Variants in ZNF469 observed in about 807,000 individuals in gnomAD.
ZNF469 encodes zinc finger protein 469.
Under a neutral mutation model 1.0 loss-of-function variants are expected in ZNF469, and 1 was observed. The ratio of observed to expected loss-of-function variants is 1.00; its 90% CI spans 0.35 to 4.73. The LOEUF (loss-of-function observed/expected upper bound fraction) is 4.73. Ranked by LOEUF, ZNF469 falls within the 30% of genes most tolerant of loss-of-function variation. The probability of loss-of-function intolerance (pLI) is 0.16; values close to 1 mark genes in which losing one functional copy is unlikely to be tolerated. For missense variants in ZNF469, 6,100 were observed against 5,356.3 expected (o/e 1.14, Z -4.33); for synonymous variants, 2,703 against 2,363.4 (o/e 1.14, Z -4.17).
At chr16:88,101,180 G>A in the ZNF469 span, among the ~76,000 whole-genome samples, 10 of 152,266 alleles carry the variant, frequency 6.6e-5, no homozygotes, top group African/African-American at 2.4e-4. Context: ...ATTGACGATG[G>A]TGACGATCGC....
chr16:88,360,605 C>T, the ZNF469 span, among the ~76,000 whole-genome samples: 127 of 118,334 alleles, frequency 1.1e-3, 3 homozygotes, highest in South Asian at 0.016. Flanking sequence ...CCCCAGACAG[C>T]GCCCGCATGC....
intron 1 of ZNF469, among the ~76,000 whole-genome samples, chr16:88,400,059 A>C (rs1445808110): frequency 1.3e-5 from 2 of 152,214 alleles, no homozygotes; most frequent in East Asian, 3.8e-4. Flanking sequence ...GAAGTGTGGC[A>C]GGGACGTGGG....
At chr16:88,358,511 C>T in the ZNF469 span, among the ~76,000 whole-genome samples, 1 of 152,034 alleles carries the variant, frequency 6.6e-6, no homozygotes, top group Non-Finnish European at 1.5e-5. Context: ...GGAATCCTCC[C>T]TAGAGGCAGC....
chr16:88,264,969 C>T, the ZNF469 span, among the ~76,000 whole-genome samples: 1 of 152,120 alleles, frequency 6.6e-6, no homozygotes, highest in South Asian at 2.1e-4. Flanking sequence ...GACTGCGGTT[C>T]TGTGCTCAGC....
the ZNF469 span, among the ~76,000 whole-genome samples, chr16:88,205,591 T>C: frequency 6.6e-6 from 1 of 152,190 alleles, no homozygotes; most frequent in South Asian, 2.1e-4. The surrounding 1 kb of genome is among the most constrained non-coding windows in gnomAD (Gnocchi z 4.2). Context: ...TAGAATTCTC[T>C]ATAAAAACAC....
chr16:88,126,114 G>C, the ZNF469 span, among the ~76,000 whole-genome samples: 118 of 150,700 alleles, frequency 7.8e-4, 1 homozygote, highest in South Asian at 0.025. Context: ...GCTTGAACCT[G>C]GGAGGCAGAG....
chr16:88,306,181 C>G, the ZNF469 span, among the ~76,000 whole-genome samples: 4 of 152,250 alleles, frequency 2.6e-5, no homozygotes, highest in African/African-American at 7.2e-5. Flanking sequence ...CCATGGTTTA[C>G]TAATGATGTC....
chr16:88,292,376 C>T, the ZNF469 span, among the ~76,000 whole-genome samples: 1 of 152,126 alleles, frequency 6.6e-6, no homozygotes, highest in African/African-American at 2.4e-5. Context: ...AGTGTGAGTC[C>T]CTGTTGTAAA....
chr16:88,353,404 G>A, the ZNF469 span, among the ~76,000 whole-genome samples: 2 of 152,226 alleles, frequency 1.3e-5, no homozygotes, highest in East Asian at 1.9e-4. Context: ...GTGACCCGGC[G>A]CCCACCTCCG....
chr16:88,267,085 G>T, the ZNF469 span, among the ~76,000 whole-genome samples: 1 of 152,210 alleles, frequency 6.6e-6, no homozygotes, highest in Non-Finnish European at 1.5e-5. Flanking sequence ...CGACTCTGGA[G>T]CTCACTCTAT....
the ZNF469 span, among the ~76,000 whole-genome samples, chr16:88,307,035 G>T: frequency 1.4e-3 from 214 of 152,182 alleles, 1 homozygote; most frequent in Non-Finnish European, 2.6e-3. Flanking sequence ...CCTGGCAACC[G>T]CCAATCCACT....
the ZNF469 span, among the ~76,000 whole-genome samples, chr16:88,243,001 C>A: frequency 7.2e-5 from 11 of 152,198 alleles, no homozygotes; most frequent in Admixed American, 6.5e-4. Context: ...GACACTGATG[C>A]GGTGGGGGAT....
At chr16:88,139,336 G>T in the ZNF469 span, among the ~76,000 whole-genome samples, 9 of 152,066 alleles carry the variant, frequency 5.9e-5, no homozygotes. Context: ...TTTGCCCCCT[G>T]GCCTGGGGAT....
the ZNF469 span, among the ~76,000 whole-genome samples, chr16:88,377,698 T>C: frequency 6.6e-6 from 1 of 150,376 alleles, no homozygotes; most frequent in African/African-American, 2.5e-5. Flanking sequence ...CAGCCCTCCC[T>C]CCTCTCTCCC....
the ZNF469 span, among the ~76,000 whole-genome samples, chr16:88,165,609 A>G: frequency 3.3e-5 from 5 of 151,998 alleles, no homozygotes; most frequent in East Asian, 3.9e-4. Flanking sequence ...CTTTTTTCCA[A>G]TTTTTAAATC....
At chr16:88,344,254 C>T in the ZNF469 span, among the ~76,000 whole-genome samples, 6 of 144,514 alleles carry the variant, frequency 4.2e-5, no homozygotes, top group African/African-American at 1.6e-4. Flanking sequence ...GGAGAAGAGG[C>T]GATGGGGGGG....
chr16:88,156,076 C>G, the ZNF469 span, among the ~76,000 whole-genome samples: 1 of 152,248 alleles, frequency 6.6e-6, no homozygotes, highest in Non-Finnish European at 1.5e-5. Flanking sequence ...AGTTCTTTTG[C>G]CCATATATTA....
chr16:88,154,516 C>G, the ZNF469 span, among the ~76,000 whole-genome samples: 2 of 152,200 alleles, frequency 1.3e-5, no homozygotes, highest in African/African-American at 4.8e-5. Context: ...ATGGTACCAT[C>G]GTAGAAAGTT....
chr16:88,265,331 A>G, the ZNF469 span, among the ~76,000 whole-genome samples: 2 of 152,174 alleles, frequency 1.3e-5, no homozygotes, highest in South Asian at 4.1e-4. Context: ...GGGACCCCTC[A>G]GGAGGTTCCC....
Sources: gnomAD v4.1 joint callset for allele counts (sites outside exome capture counted in the v4.1 genomes callset) on GRCh38, gnomAD v4.1.1 for gene constraint, Gnocchi (gnomAD v3.1) non-coding constraint, MANE v1.5 for transcripts, NCBI Gene and HGNC (gene_info 2026-07-23, HGNC 2026-07-21) for gene names.